Variants in SAMD5 observed in about 807,000 individuals in gnomAD.
SAMD5 encodes the protein sterile alpha motif domain containing 5.
Under a neutral mutation model 11.3 loss-of-function variants are expected in SAMD5, and 13 were observed. The ratio of observed to expected loss-of-function variants is 1.15; its 90% CI spans 0.75 to 1.83. The LOEUF (loss-of-function observed/expected upper bound fraction) is 1.83, where lower values mean the gene tolerates loss of function less well. SAMD5 is among the 40% of genes most tolerant of loss of function. The probability of loss-of-function intolerance (pLI) is 0.00; values close to 1 mark genes in which losing one functional copy is unlikely to be tolerated. For missense variants in SAMD5, 255 were observed against 239.1 expected (o/e 1.07, Z -0.44); for synonymous variants, 129 against 111.3 (o/e 1.16, Z -1.00).
the SAMD5 span, among the ~76,000 whole-genome samples, chr6:147,954,343 T>C: frequency 6.6e-6 from 1 of 152,200 alleles, no homozygotes; most frequent in African/African-American, 2.4e-5. Flanking sequence ...GGGTGCACAG[T>C]GATATTTTGA....
At chr6:147,699,009 T>C (rs975323502) in intron 1 of SAMD5, among the ~76,000 whole-genome samples, 1 of 151,768 alleles carries the variant, frequency 6.6e-6, no homozygotes, top group South Asian at 2.1e-4. Flanking sequence ...GAGTTGGGAG[T>C]GCTGGGGTAG....
chr6:147,635,804 G>A (rs1278605837), intron 1 of SAMD5, among the ~76,000 whole-genome samples: 4 of 152,214 alleles, frequency 2.6e-5, no homozygotes, highest in Non-Finnish European at 4.4e-5. Flanking sequence ...TACGTATGGA[G>A]CCGATTTGAA....
At chr6:147,537,704 C>T (rs915097423) in intron 1 of SAMD5, among the ~76,000 whole-genome samples, 1 of 151,482 alleles carries the variant, frequency 6.6e-6, no homozygotes, top group African/African-American at 2.4e-5. Context: ...TGCAGTGAGC[C>T]GAGATCCACT....
chr6:147,558,016 G>A (rs543109731), intron 1 of SAMD5, among the ~76,000 whole-genome samples: 2 of 152,314 alleles, frequency 1.3e-5, no homozygotes, highest in East Asian at 3.9e-4. Context: ...GGCACAGAGG[G>A]AGTTCACTCA....
exon 2 of SAMD5, chr6:147,737,389 A>T (rs1215786764): frequency 5.9e-6 from 7 of 1,183,852 alleles, no homozygotes; most frequent in Non-Finnish European, 7.8e-6. Context: ...AATCATCTCA[A>T]TCCCACGCTA....
chr6:147,794,566 A>G, the SAMD5 span, among the ~76,000 whole-genome samples: 1 of 152,146 alleles, frequency 6.6e-6, no homozygotes, highest in Non-Finnish European at 1.5e-5. Flanking sequence ...TTTGTAAAAA[A>G]CATAACTTTG....
the SAMD5 span, among the ~76,000 whole-genome samples, chr6:147,745,777 C>CTTTTT: frequency 3.0e-5 from 4 of 133,238 alleles, no homozygotes; most frequent in East Asian, 2.2e-4. Context: ...TTCTTTCTTT[C>CTTTTT]TTTTTTTTTT....
intron 1 of SAMD5, among the ~76,000 whole-genome samples, chr6:147,728,638 A>G (rs1275945405): frequency 6.6e-6 from 1 of 152,186 alleles, no homozygotes; most frequent in Non-Finnish European, 1.5e-5. Context: ...GTTCTTCAAT[A>G]GACAAACGAA....
At position 147,568,091 on chromosome 6, in the gene SAMD5, A is replaced by T; in HGVS notation, c.*3635A>T. ...GTACAAATGAGTGAGTGACATATGT[A>T]TATTTTCCTCTGATTTTATGACTGA... On this transcript the variant is annotated 3_prime_UTR_variant, in exon 2 of 2. Transcript: ENST00000367474. 1 of 985,368 alleles carries T rather than the reference A, an allele frequency of 1.0e-6. No individual in the cohort carries two copies. Among genetic ancestry groups the T allele is most frequent in the African/African-American group, 1.7e-5 (1 of 57,356 alleles). The allele number at this position is 985,368 out of a possible 1,614,324, so 61.0% of individuals were successfully genotyped here. A position where few individuals can be genotyped will look rare whatever the true frequency, so the allele number is the denominator to read the frequency against.
intron 1 of SAMD5, among the ~76,000 whole-genome samples, chr6:147,596,089 C>T (rs1255629876): frequency 1.3e-5 from 2 of 152,114 alleles, no homozygotes; most frequent in Admixed American, 1.3e-4. Context: ...GTCAGTTTCC[C>T]TGTTAAGTAA....
chr6:147,898,512 G>C, the SAMD5 span, among the ~76,000 whole-genome samples: 1 of 152,160 alleles, frequency 6.6e-6, no homozygotes, highest in African/African-American at 2.4e-5. Flanking sequence ...AGATTCACCA[G>C]CAACCTCACT....
the SAMD5 span, among the ~76,000 whole-genome samples, chr6:147,848,135 T>C: frequency 6.6e-6 from 1 of 152,122 alleles, no homozygotes; most frequent in Non-Finnish European, 1.5e-5. Context: ...TAGAGGGAAA[T>C]AAGAAAATTC....
At chr6:147,543,657 A>G (rs1788640530) in intron 1 of SAMD5, among the ~76,000 whole-genome samples, 1 of 152,200 alleles carries the variant, frequency 6.6e-6, no homozygotes. Flanking sequence ...TATGGTCTCT[A>G]AGGATGAACT....
At chr6:147,937,623 T>C in the SAMD5 span, among the ~76,000 whole-genome samples, 18 of 152,184 alleles carry the variant, frequency 1.2e-4, no homozygotes, top group Non-Finnish European at 2.5e-4. Context: ...GAATTACGTT[T>C]CAGGGGAATG....
At chr6:147,613,892 A>G (rs1384938201) in intron 1 of SAMD5, among the ~76,000 whole-genome samples, 1 of 151,940 alleles carries the variant, frequency 6.6e-6, no homozygotes, top group African/African-American at 2.4e-5. Flanking sequence ...TCATCCACCA[A>G]GTCTCTATCG....
At chr6:147,877,919 C>A in the SAMD5 span, among the ~76,000 whole-genome samples, 69,975 of 101,738 alleles carry the variant, frequency 0.69, 22,248 homozygotes, top group African/African-American at 0.73. Flanking sequence ...AGCTAGCTAG[C>A]TAGCTAGATA....
chr6:147,679,586 T>C (rs1449659092), intron 1 of SAMD5, among the ~76,000 whole-genome samples: 1 of 152,096 alleles, frequency 6.6e-6, no homozygotes, highest in Non-Finnish European at 1.5e-5. Flanking sequence ...TTGCAATTAT[T>C]TTTCCCAGTC....
chr6:147,812,545 T>A, the SAMD5 span, among the ~76,000 whole-genome samples: 112 of 152,000 alleles, frequency 7.4e-4, 2 homozygotes, highest in South Asian at 0.015. Flanking sequence ...GTTTTTTTTT[T>A]AAAAAGTGGG....
chr6:147,909,669 A>G, the SAMD5 span, among the ~76,000 whole-genome samples: 4 of 136,476 alleles, frequency 2.9e-5, no homozygotes, highest in African/African-American at 5.5e-5. Flanking sequence ...CCTCATAAAT[A>G]AAGTTTGATT....
Sources: allele counts gnomAD v4.1 joint callset (sites outside exome capture counted in the v4.1 genomes callset), GRCh38; gene constraint gnomAD v4.1.1; transcripts MANE v1.5; gene names NCBI Gene and HGNC (gene_info 2026-07-23, HGNC 2026-07-21).